The following DNAH10 variants were observed in gnomAD, a reference collection of about 807,000 sequenced individuals.
DNAH10 encodes the protein axonemal beta dynein heavy chain 10.
A neutral mutation model predicts 506.6 loss-of-function variants in DNAH10; 348 were observed. The ratio of observed to expected loss-of-function variants is 0.69; its 90% confidence interval spans 0.63 to 0.75. The LOEUF (loss-of-function observed/expected upper bound fraction) is 0.75, where lower values mean the gene tolerates loss of function less well. Ranked by LOEUF, DNAH10 falls within the 30% of genes least tolerant of loss-of-function variation. The probability of loss-of-function intolerance (pLI) is 0.00; values close to 1 mark genes in which losing one functional copy is unlikely to be tolerated. For missense variants in DNAH10, 5,179 were observed against 5,787.1 expected, an observed-to-expected ratio of 0.89 and a Z score of 3.41; for synonymous variants, 2,059 against 2,198.6, an observed-to-expected ratio of 0.94 and a Z score of 1.78.
chr12:123,808,210 T>C (rs1180753649), intron 18 of DNAH10, among the ~76,000 whole-genome samples: 2 of 152,144 alleles, frequency 1.3e-5, no homozygotes, highest in Non-Finnish European at 2.9e-5. Context: ...TTTATTTTTA[T>C]TTTAGAGACA....
Position 123,929,708 on chromosome 12 carries a change from G to C in DNAH10, c.12561G>C (p.Gln4187His), listed in dbSNP as rs1488815412. Residue 4187 changes from glutamine (Q) to histidine (H), a missense_variant, in exon 72 of 79, where the codon CAG becomes CAC. Gln to His is a conservative substitution (Grantham distance 24). This residue lies in a region of DNAH10 where 4,844 missense variants were observed against 5,430.5 expected (regional missense o/e 0.89). Coordinates refer to ENST00000673944, the MANE Select transcript of DNAH10 (RefSeq NM_001372106.1). Reference sequence around the variant, plus strand: ...ACACGTACTTAACGAAAGCCTTCCAGCAACGGGACCCAAGGATCCCGTGGG... The same window carrying C: ...ACACGTACTTAACGAAAGCCTTCCACCAACGGGACCCAAGGATCCCGTGGG... ...ILNTYLTKAFQQRDPRIPWGS... is the reference protein window; with the variant it reads ...ILNTYLTKAFHQRDPRIPWGS... 2 of 1,613,532 alleles carry C rather than the reference G, an allele frequency of 1.2e-6. No individual in the cohort carries two copies. Among genetic ancestry groups the C allele is most frequent in the Non-Finnish European group, 1.7e-6 (2 of 1,179,786 alleles).
At chr12:123,898,588 T>A (rs747684943) in intron 55 of DNAH10, 65 bp from the exon 56 acceptor site, 3 of 1,426,134 alleles carry the variant, frequency 2.1e-6, no homozygotes, top group Non-Finnish European at 1.8e-6. Context: ...GTTAGGCAAA[T>A]CTCAGTGATT....
rs1960445195 is a variant in DNAH10 at position 123,830,630 on chromosome 12, A to G, written c.4476A>G (p.Glu1492=). ...CCTTGGAAAATATGTTTGCTATGGA[A>G]CTGCACAAACACACAGATGTTCTCA... ...TFTLENMFAM[E]LHKHTDVLNE... Residue 1492 remains glutamate, a synonymous_variant, in exon 26 of 79, where the codon GAA becomes GAG. Transcript: ENST00000673944. 3.7e-6 allele frequency: 6 copies of G among 1,613,946 alleles called. No individual in the cohort carries two copies. The highest frequency in any genetic ancestry group is 5.1e-6 in the Non-Finnish European group (6 of 1,179,862).
intron 41 of DNAH10, 35 bp downstream of exon 41, chr12:123,866,108 T>G (rs757679445): frequency 1.3e-6 from 2 of 1,536,632 alleles, no homozygotes; most frequent in South Asian, 2.5e-5. Flanking sequence ...TTAAATTTAT[T>G]AGTATTGATG....
intron 51 of DNAH10, 45 bp downstream of exon 51, chr12:123,881,858 T>C (rs1328888615): frequency 2.9e-5 from 41 of 1,429,546 alleles, no homozygotes; most frequent in Non-Finnish European, 3.7e-5. Context: ...GATGCCAGTT[T>C]CTGCAGTTGG....
In DNAH10 at chr12:123,781,216, G is replaced by A. The variant is rs566020705; in HGVS notation, c.758G>A (p.Ser253Asn). The A allele has an allele frequency of 1.1e-5, 17 of 1,614,056 alleles. No homozygotes were observed. The South Asian group carries it at 1.5e-4, about 15-fold the overall frequency. Residue 253 changes from serine to asparagine, a missense_variant, in exon 6 of 79, where the codon AGT (serine) becomes AAT (asparagine). Around this residue, in one of 3 missense-constraint regions of DNAH10, gnomAD observed 326 missense variants for 330.8 expected, o/e 0.99. Coordinates refer to ENST00000673944, the MANE Select transcript of DNAH10 (RefSeq NM_001372106.1). ...PMPGEAVEYHSIQLIRDEFLM... is the reference protein window; with the variant it reads ...PMPGEAVEYHNIQLIRDEFLM... ...CCTGGGGAGGCAGTAGAATATCACA[G>A]TATTCAATTAATACGGGATGAATTT...
intron 27 of DNAH10, among the ~76,000 whole-genome samples, chr12:123,834,064 C>T (rs998662670): frequency 6.6e-6 from 1 of 152,176 alleles, no homozygotes; most frequent in Non-Finnish European, 1.5e-5. Context: ...TGAAGCCAGG[C>T]CTGGTTCACT....
Position 123,853,371 on chromosome 12 carries a change from A to C in DNAH10, c.6438+19A>C. ...TAGGGAGGTAGGGGCCACGTGCTGG[A>C]ACATTCTCTGGTTTCAGCTGCTTCA... On this transcript the variant is annotated intron_variant, in intron 36 of 78. Transcript: ENST00000673944. This position sits in a 1 kb window ranked among gnomAD's most constrained non-coding sequence, Gnocchi z 4.7. The C allele has an allele frequency of 6.2e-7, 1 of 1,605,608 alleles. No homozygotes were observed. Among genetic ancestry groups the C allele is most frequent in the Non-Finnish European group, 8.5e-7 (1 of 1,176,106 alleles).
At chr12:123,839,450 G>T (rs1463301580) in intron 29 of DNAH10, among the ~76,000 whole-genome samples, 1 of 152,098 alleles carries the variant, frequency 6.6e-6, no homozygotes, top group Non-Finnish European at 1.5e-5. Context: ...TTTCAGTGGA[G>T]CTGTTGTAAA....
intron 41 of DNAH10, among the ~76,000 whole-genome samples, chr12:123,866,465 G>A (rs1398679748): frequency 2.6e-5 from 4 of 151,544 alleles, no homozygotes; most frequent in Admixed American, 1.3e-4. Flanking sequence ...GGATGGTCTC[G>A]ATCTCTTGAG....
intron 11 of DNAH10, among the ~76,000 whole-genome samples, chr12:123,790,657 C>A (rs1958044639): frequency 6.6e-6 from 1 of 151,952 alleles, no homozygotes; most frequent in African/African-American, 2.4e-5. Flanking sequence ...TTGTCTGAGG[C>A]AGAGCAAACA....
At chr12:123,763,213 C>T (rs1220807961) in intron 1 of DNAH10, among the ~76,000 whole-genome samples, 1 of 152,252 alleles carries the variant, frequency 6.6e-6, no homozygotes, top group African/African-American at 2.4e-5. Context: ...CCAGAACCCT[C>T]TGTGGAGGCG....
intron 11 of DNAH10, among the ~76,000 whole-genome samples, chr12:123,792,046 A>G (rs1958098097): frequency 6.6e-6 from 1 of 152,170 alleles, no homozygotes; most frequent in Non-Finnish European, 1.5e-5. Flanking sequence ...TTAACTTCTC[A>G]GAGTAGATAC....
chr12:123,896,111 TCACACACACACACACACA>T (rs112187635), intron 54 of DNAH10, among the ~76,000 whole-genome samples: 123 of 48,952 alleles, frequency 2.5e-3, no homozygotes, highest in African/African-American at 7.0e-3. Context: ...AGACTTTATC[TCACACACACACACACACA>T]CACACACACA....
At chr12:123,771,836 C>A in intron 3 of DNAH10, 138 bp downstream of exon 3, 1 of 715,054 alleles carries the variant, frequency 1.4e-6, no homozygotes, top group Non-Finnish European at 2.3e-6. Flanking sequence ...AGGCCACCCT[C>A]AGATTCAGTG....
rs79451876 is a variant in DNAH10, at chr12:123,786,561, A to G, written c.1421+625A>G. On this transcript the variant is annotated intron_variant, in intron 9 of 78. Coordinates refer to ENST00000673944, the MANE Select transcript of DNAH10 (RefSeq NM_001372106.1). ...TTATCACTGACTTCTTTCACTTAGC[A>G]GCATGTTTTCAAGGTTCATCCACAT... Among the ~76,000 whole-genome samples the G allele has an allele frequency of 7.6e-3, 1,152 of 151,506 alleles. 11 individuals are homozygous for G. Among genetic ancestry groups the G allele is most frequent in the Middle Eastern group, 0.034 (10 of 294 alleles).
Position 123,799,481 on chromosome 12 carries a change from A to G in DNAH10, c.2289+110A>G, listed in dbSNP as rs1391580040. The G allele has an allele frequency of 2.8e-6, 4 of 1,426,126 alleles. No homozygotes were observed. In the African/African-American group the frequency reaches 5.6e-5, roughly 20 times the overall value. 88.3% of individuals were successfully genotyped at this position (1,426,126 alleles called of 1,614,324 possible). The stretch of plus-strand genomic sequence containing the variant: ...TCATGAAGTTGGGTCAGTTTCCAGA[A>G]TCAAAGACAAGGAAGGGCTAGGGGA... On this transcript the variant is annotated intron_variant, in intron 14 of 78. Coordinates refer to ENST00000673944, the MANE Select transcript of DNAH10 (RefSeq NM_001372106.1).
chr12:123,867,659 G>A (rs752878809), intron 42 of DNAH10, 58 bp downstream of exon 42: 75 of 1,603,794 alleles, frequency 4.7e-5, no homozygotes, highest in Non-Finnish European at 5.7e-5. Flanking sequence ...ACAAGCTCAC[G>A]GTAGGGTTTT....
intron 46 of DNAH10, among the ~76,000 whole-genome samples, chr12:123,874,947 T>C (rs1216245562): frequency 6.6e-6 from 1 of 152,230 alleles, no homozygotes; most frequent in African/African-American, 2.4e-5. Flanking sequence ...TGAATTAACA[T>C]ATATTTATTC....
Sources: gnomAD v4.1 joint callset for allele counts (sites outside exome capture counted in the v4.1 genomes callset) on GRCh38, gnomAD v4.1.1 for gene constraint, gnomAD v4.1.1 regional missense constraint, Gnocchi (gnomAD v3.1) non-coding constraint, MANE v1.5 for transcripts, NCBI Gene and HGNC (gene_info 2026-07-23, HGNC 2026-07-21) for gene names.